Variants in MFF observed in about 807,000 individuals in gnomAD.
The protein encoded by MFF is mitochondrial fission factor.
MFF carries 12 observed loss-of-function variants against 36.9 expected under a neutral mutation model. The ratio of observed to expected loss-of-function variants is 0.33; its 90% CI spans 0.21 to 0.53. The LOEUF (loss-of-function observed/expected upper bound fraction) is 0.53, where lower values mean the gene tolerates loss of function less well. MFF is among the 20% of genes least tolerant of loss of function. The pLI, the probability that MFF is intolerant of heterozygous loss-of-function variation, is 0.95. For synonymous variants in MFF, 99 were observed against 126.2 expected (o/e 0.78, Z 1.44); for missense variants, 348 against 366.6 (o/e 0.95, Z 0.42).
intron 8 of MFF, among the ~76,000 whole-genome samples, chr2:227,356,201 G>T (rs2090503466): frequency 6.6e-6 from 1 of 152,096 alleles, no homozygotes; most frequent in Non-Finnish European, 1.5e-5. Flanking sequence ...TTTTTAATAT[G>T]TACTCCCACA....
At chr2:227,334,676 G>A (rs1173497985) in intron 4 of MFF, among the ~76,000 whole-genome samples, 2 of 152,150 alleles carry the variant, frequency 1.3e-5, no homozygotes, top group Non-Finnish European at 2.9e-5. Context: ...GTTGTGGTGA[G>A]AGCCACCTTT....
chr2:227,356,853 C>T, intron 8 of MFF, 133 bp from the exon 9 acceptor site: 1 of 714,400 alleles, frequency 1.4e-6, no homozygotes, highest in South Asian at 2.2e-5. Flanking sequence ...TATTTTGCTC[C>T]AAATGAAACT....
chr2:227,332,457 C>A lies in MFF; in HGVS notation c.220C>A (p.Leu74Ile). The change falls in exon 4 of 9, where the codon CTT becomes ATT. Residue 74 changes from leucine to isoleucine, a missense_variant. Transcript: ENST00000304593. ...EDVSFSRPAD[L>I]DLIQSTPFKP... ...TGTTTCATTTTCAAGACCAGCAGAT[C>A]TTGACCTTATTCAGTCAACTCCCTT... 3 of 1,613,322 alleles carry A rather than the reference C, an allele frequency of 1.9e-6. No homozygotes were observed. Among genetic ancestry groups the A allele is most frequent in the Non-Finnish European group, 2.5e-6 (3 of 1,179,626 alleles).
intron 3 of MFF, 105 bp downstream of exon 3, chr2:227,330,951 A>C: frequency 1.1e-6 from 1 of 872,772 alleles, no homozygotes; most frequent in Non-Finnish European, 1.7e-6. Context: ...GGAGTTGGAA[A>C]ATGCAACTTT....
chr2:227,335,419 G>A lies in MFF; in HGVS notation c.351+2831G>A, dbSNP rs142094897. Among the ~76,000 whole-genome samples the A allele has an allele frequency of 3.4e-4, 52 of 152,200 alleles. No individual in the cohort carries two copies. In the East Asian group the frequency reaches 9.6e-3, roughly 28 times the overall value. On this transcript the variant is annotated intron_variant, in intron 4 of 8. Transcript: ENST00000304593. ...CCTTTTGGGCTGATGAAAATATTCC[G>A]GAATTAGATAGTGGTAATGATTACA...
chr2:227,337,051 G>T (rs2075058914), intron 4 of MFF, among the ~76,000 whole-genome samples: 1 of 152,222 alleles, frequency 6.6e-6, no homozygotes, highest in African/African-American at 2.4e-5. Flanking sequence ...CTGGAAAGAG[G>T]AGCTGGGACT....
chr2:227,353,671 T>C (rs1178411301), intron 7 of MFF, among the ~76,000 whole-genome samples: 3 of 152,224 alleles, frequency 2.0e-5, no homozygotes, highest in Admixed American at 6.5e-5. Flanking sequence ...GGTTTTTGTT[T>C]AAAACACAAT....
In MFF at chr2:227,355,828, C is replaced by T; in HGVS notation, c.744+67C>T. ...CATACAATATTTTAAAGTGATAGTT[C>T]TCAACATTTTATTATTTTCTCTCCT... is the stretch of plus-strand genomic sequence containing the variant. On this transcript the variant is annotated intron_variant, in intron 8 of 8. Transcript: ENST00000304593. The T allele has an allele frequency of 4.2e-6, 4 of 963,644 alleles. No homozygotes were observed. In the South Asian group the frequency reaches 5.8e-5, roughly 14 times the overall value. 59.7% of individuals were successfully genotyped at this position (963,644 alleles called of 1,614,324 possible).
intron 6 of MFF, chr2:227,352,291 C>A: frequency 4.5e-6 from 2 of 447,164 alleles, no homozygotes; most frequent in Admixed American, 3.7e-5. Context: ...AATATAGATT[C>A]CCTTTGTTTC....
intron 4 of MFF, among the ~76,000 whole-genome samples, chr2:227,339,366 T>A (rs2075257897): frequency 1.3e-5 from 2 of 152,208 alleles, no homozygotes; most frequent in South Asian, 4.1e-4. Flanking sequence ...GCAGTTGCCG[T>A]GAAGGGAAAA....
At chr2:227,335,889 A>G (rs115354620) in intron 4 of MFF, among the ~76,000 whole-genome samples, 4,886 of 152,308 alleles carry the variant, frequency 0.032, 134 homozygotes, top group African/African-American at 0.072. Flanking sequence ...AGATAAGACC[A>G]TTGCTTGGTG....
At chr2:227,343,814 G>A (rs1202505986) in intron 5 of MFF, among the ~76,000 whole-genome samples, 2 of 152,116 alleles carry the variant, frequency 1.3e-5, no homozygotes, top group Non-Finnish European at 2.9e-5. Flanking sequence ...TTGAGACGGA[G>A]TCTCACTGTG....
intron 2 of MFF, chr2:227,329,536 T>TA: frequency 4.7e-6 from 2 of 429,036 alleles, no homozygotes; most frequent in Non-Finnish European, 8.1e-6. Flanking sequence ...CGTAGATATT[T>TA]ACTTTTATTC....
chr2:227,330,821 A>T lies in MFF; in HGVS notation c.156A>T (p.Gln52His). 6.2e-7 allele frequency: 1 copy of T among 1,614,152 alleles called. No individual in the cohort carries two copies. Among genetic ancestry groups the T allele is most frequent in the East Asian group, 2.2e-5 (1 of 44,886 alleles). Reference sequence around the variant, plus strand: ...TTCCAAATGCTAGTGTGATAATGCAAGTTCCGGAGAGGATTGTTGTAGCAG... The same window carrying T: ...TTCCAAATGCTAGTGTGATAATGCATGTTCCGGAGAGGATTGTTGTAGCAG... ...EGVPNASVIM[Q>H]VPERIVVAGN... Residue 52 changes from glutamine (Q) to histidine (H), a missense_variant, in exon 3 of 9, where the codon CAA (glutamine) becomes CAT (histidine). Physicochemically the swap from Gln to His is conservative, Grantham distance 24 (BLOSUM62 0). Coordinates refer to ENST00000304593, the MANE Select transcript of MFF (RefSeq NM_001277062.2).
At chr2:227,335,074 G>A (rs550579313) in intron 4 of MFF, among the ~76,000 whole-genome samples, 1 of 151,584 alleles carries the variant, frequency 6.6e-6, no homozygotes, top group Non-Finnish European at 1.5e-5. Flanking sequence ...TGGAGGGGGA[G>A]GCAGGAGAAT....
At chr2:227,342,486 A>G (rs2075449955) in intron 5 of MFF, among the ~76,000 whole-genome samples, 2 of 152,270 alleles carry the variant, frequency 1.3e-5, no homozygotes, top group South Asian at 4.1e-4. Flanking sequence ...TTTCTTTGTA[A>G]CATGAAATTG....
At chr2:227,329,671 G>A (rs2074424925) in intron 2 of MFF, 2 of 1,069,848 alleles carry the variant, frequency 1.9e-6, no homozygotes, top group African/African-American at 1.5e-5. Context: ...TAGGGGAATT[G>A]TTGTGTAAAG....
In MFF at chr2:227,355,717, T is replaced by C; in HGVS notation, c.700T>C (p.Ser234Pro). Reference sequence around the variant, plus strand: ...TATAGATACAACCATTGAAGGAACGTCAGATGACCTGACTGTTGTAGATGC... The same window carrying C: ...TATAGATACAACCATTGAAGGAACGCCAGATGACCTGACTGTTGTAGATGC... ...SNIDTTIEGT[S>P]DDLTVVDAAS... The change falls in exon 8 of 9, where the codon TCA becomes CCA. Residue 234 changes from serine to proline, a missense_variant. Coordinates refer to ENST00000304593, the MANE Select transcript of MFF (RefSeq NM_001277062.2). 1.2e-6 allele frequency: 2 copies of C among 1,612,194 alleles called. No homozygotes were observed. Among genetic ancestry groups the C allele is most frequent in the Middle Eastern group, 3.3e-4 (2 of 6,048 alleles).
intron 4 of MFF, among the ~76,000 whole-genome samples, chr2:227,338,844 CA>C (rs71299675): frequency 0.032 from 4,636 of 143,802 alleles, 129 homozygotes; most frequent in Admixed American, 0.045. Flanking sequence ...CAAAAAAAAA[CA>C]AAAAAAAAAA....
Sources: gnomAD v4.1 joint callset for allele counts (sites outside exome capture counted in the v4.1 genomes callset) on GRCh38, gnomAD v4.1.1 for gene constraint, MANE v1.5 for transcripts, NCBI Gene and HGNC (gene_info 2026-07-23, HGNC 2026-07-21) for gene names.